Variants in MYLK3 observed in about 807,000 individuals in gnomAD.
MYLK3 encodes myosin light chain kinase 3.
Under a neutral mutation model 76.3 loss-of-function variants are expected in MYLK3, and 55 were observed. The ratio of observed to expected loss-of-function variants is 0.72; its 90% CI spans 0.58 to 0.90. The LOEUF (loss-of-function observed/expected upper bound fraction) is 0.90, where lower values mean the gene tolerates loss of function less well. Ranked by LOEUF, MYLK3 falls within the 40% of genes least tolerant of loss-of-function variation. The pLI is 0.00. For synonymous variants in MYLK3, 416 were observed against 425.4 expected (o/e 0.98, Z 0.27); for missense variants, 973 against 1,053.6 (o/e 0.92, Z 1.06).
chr16:46,732,413 C>T lies in MYLK3; in HGVS notation c.1257G>A (p.Arg419=), dbSNP rs1277522785. Residue 419 remains arginine (R), a synonymous_variant, in exon 4 of 13, where the codon AGG becomes AGA. Transcript: ENST00000394809. ...GTCTCGTGCCAGGCTCGGCCCCAGC[C>T]CTTTGCTCCTCCTCTGCCTTCACTC... is the stretch of plus-strand genomic sequence containing the variant. ...PGGVKAEEEQ[R]AGAEPGTRPS... is the part of the protein sequence containing the mutation. The T allele has an allele frequency of 1.9e-6, 3 of 1,613,586 alleles. No homozygotes were observed. The East Asian group carries it at 6.7e-5, about 36-fold the overall frequency.
chr16:46,716,072 C>T (rs1966734508), intron 9 of MYLK3, among the ~76,000 whole-genome samples: 1 of 152,158 alleles, frequency 6.6e-6, no homozygotes, highest in East Asian at 1.9e-4. Flanking sequence ...GTGTCTCTGC[C>T]AGCCCGGCCC....
At chr16:46,733,627 C>G (rs548606747) in intron 3 of MYLK3, among the ~76,000 whole-genome samples, 1 of 152,270 alleles carries the variant, frequency 6.6e-6, no homozygotes, top group Non-Finnish European at 1.5e-5. Context: ...AGGAAGGACC[C>G]TGATCCTGGC....
At chr16:46,763,134 CACAG>C (rs1307192993) in exon 1 of MYLK3, 2 of 984,066 alleles carry the variant, frequency 2.0e-6, no homozygotes, top group African/African-American at 3.5e-5. Context: ...CCATCTTATA[CACAG>C]ACAAACTTAA....
chr16:46,722,532 C>T (rs983184228), intron 8 of MYLK3, among the ~76,000 whole-genome samples: 2 of 152,110 alleles, frequency 1.3e-5, no homozygotes, highest in Non-Finnish European at 2.9e-5. Context: ...AAATCTCTGT[C>T]TTCTATATAA....
chr16:46,714,370 T>C (rs1966715612), intron 9 of MYLK3, among the ~76,000 whole-genome samples: 4 of 152,254 alleles, frequency 2.6e-5, no homozygotes, highest in Non-Finnish European at 5.9e-5. Flanking sequence ...GAGAGCAGTC[T>C]CCTCTCCTCC....
At position 46,740,556 on chromosome 16, in the gene MYLK3, T is replaced by A. The variant is rs1300064717; in HGVS notation, c.478-409A>T. 3.1e-3 allele frequency among the ~76,000 whole-genome samples: 436 copies of A among 140,188 alleles called. 1 individual carries two copies. The highest frequency in any genetic ancestry group is 0.02 in the East Asian group (102 of 4,998). The allele number at this position is 140,188 out of a possible 152,430, so 92.0% of individuals were successfully genotyped here. ...ACATACATATATATATATATATTTT[T>A]TTTTTTTTTTTTTGAGACAAGGTCT... On this transcript the variant is annotated intron_variant, in intron 1 of 12. Transcript: ENST00000394809.
chr16:46,732,733 G>T, intron 3 of MYLK3, 65 bp from the exon 4 acceptor site: 1 of 1,287,560 alleles, frequency 7.8e-7, no homozygotes, highest in Non-Finnish European at 1.0e-6. Flanking sequence ...AACAGACGTG[G>T]GTTCCAATGC....
intron 3 of MYLK3, 21 bp downstream of exon 3, chr16:46,737,690 G>A: frequency 6.3e-7 from 1 of 1,576,650 alleles, no homozygotes; most frequent in South Asian, 1.1e-5. Context: ...CCCTCACCCA[G>A]CCTGGAAGAG....
chr16:46,755,053 G>A (rs1011455883), intron 1 of MYLK3, among the ~76,000 whole-genome samples: 6 of 151,920 alleles, frequency 3.9e-5, no homozygotes, highest in African/African-American at 1.2e-4. Flanking sequence ...GTGCCACTAC[G>A]CTTGGCTAAT....
intron 7 of MYLK3, among the ~76,000 whole-genome samples, chr16:46,728,051 G>A (rs1966845955): frequency 6.6e-6 from 1 of 152,240 alleles, no homozygotes; most frequent in Admixed American, 6.5e-5. Flanking sequence ...GGCCATACAT[G>A]AAGCAAACAT....
At position 46,729,609 on chromosome 16, in the gene MYLK3, C is replaced by T. The variant is rs889683915; in HGVS notation, c.1647G>A (p.Lys549=). The T allele has an allele frequency of 6.2e-6, 10 of 1,613,738 alleles. No individual in the cohort carries two copies. The highest frequency in any genetic ancestry group is 1.1e-5 in the South Asian group (1 of 91,072). The part of the protein sequence containing the change: ...LPLAAKIIKV[K]SAKDREDVKN... ...GATGCCTCACCCGGTCCTTGGCGCT[C>T]TTCACTTTGATGATCTTGGCAGCCA... The change falls in exon 6 of 13, where the codon AAG becomes AAA. Residue 549 remains lysine (K), a synonymous_variant. Coordinates refer to ENST00000394809, the MANE Select transcript of MYLK3 (RefSeq NM_182493.3).
At chr16:46,710,581 C>A (rs1023808224) in intron 11 of MYLK3, 56 bp downstream of exon 11, 1 of 1,604,858 alleles carries the variant, frequency 6.2e-7, no homozygotes, top group Non-Finnish European at 8.5e-7. Context: ...CTGCCCAGCT[C>A]CCAGACCTGG....
At chr16:46,757,392 C>T in intron 1 of MYLK3, 1 of 985,462 alleles carries the variant, frequency 1.0e-6, no homozygotes, top group Non-Finnish European at 1.2e-6. Flanking sequence ...GCTCTTACTT[C>T]AAAGCACACT....
rs11309990 is a variant in MYLK3 at position 46,761,911 on chromosome 16, G to GA, written c.-114+1128dup. On this transcript the variant is annotated intron_variant, in intron 1 of 11. Coordinates refer to the MYLK3 transcript ENST00000536476. ...ATGCCTTAATCAGTTCTGCTAGCAT[G>GA]AAAAAAAAAAAAAAAGGAAGGAGGA... Among the ~76,000 whole-genome samples, 5 of 142,744 alleles carry GA rather than the reference G, an allele frequency of 3.5e-5. No homozygotes were observed. In the South Asian group the frequency reaches 6.7e-4, roughly 19 times the overall value. The allele number at this position is 142,744 out of a possible 152,430, so 93.6% of individuals were successfully genotyped here.
chr16:46,737,400 C>T (rs1966873493), intron 3 of MYLK3, among the ~76,000 whole-genome samples: 1 of 152,166 alleles, frequency 6.6e-6, no homozygotes, highest in East Asian at 1.9e-4. Flanking sequence ...GATTCTCAAC[C>T]CTGTTCCCCA....
At chr16:46,712,063 T>C (rs933249126) in intron 10 of MYLK3, among the ~76,000 whole-genome samples, 2 of 150,206 alleles carry the variant, frequency 1.3e-5, no homozygotes, top group Non-Finnish European at 3.0e-5. Context: ...TGATCATGGC[T>C]CACTGCAGCC....
At position 46,719,321 on chromosome 16, in the gene MYLK3, G is replaced by A. The variant is rs144192246; in HGVS notation, c.1985+1802C>T. Among the ~76,000 whole-genome samples the A allele has an allele frequency of 7.8e-3, 1,168 of 149,104 alleles. 16 individuals are homozygous for A. The highest frequency in any genetic ancestry group is 0.027 in the African/African-American group (1,106 of 40,454). On this transcript the variant is annotated intron_variant, in intron 9 of 12. Transcript: ENST00000394809. Reference sequence around the variant, plus strand: ...CAGCCTGGGTGACAGCATGAGACTCGGTCTCAAAAAAAAAAAAAAAAGAAG... The same window carrying A: ...CAGCCTGGGTGACAGCATGAGACTCAGTCTCAAAAAAAAAAAAAAAAGAAG...
intron 12 of MYLK3, 108 bp downstream of exon 12, chr16:46,709,431 A>AC: frequency 1.5e-6 from 2 of 1,293,964 alleles, no homozygotes; most frequent in Non-Finnish European, 2.1e-6. Context: ...ATAAAAACAA[A>AC]CCCAAAAAGA....
At position 46,739,968 on chromosome 16, in the gene MYLK3, G is replaced by T. The variant is rs781022810; in HGVS notation, c.568+89C>A. 4 of 913,662 alleles carry T rather than the reference G, an allele frequency of 4.4e-6. No homozygotes were observed. The Admixed American group carries it at 6.9e-5, about 16-fold the overall frequency. 56.6% of individuals were successfully genotyped at this position (913,662 alleles called of 1,614,324 possible). A position where few individuals can be genotyped will look rare whatever the true frequency, so the allele number is the denominator to read the frequency against. On this transcript the variant is annotated intron_variant, in intron 2 of 12. Coordinates refer to ENST00000394809, the MANE Select transcript of MYLK3 (RefSeq NM_182493.3). ...AAAAGAAGCTTTGACAGTTGCCCAG[G>T]AATCATACTGTGGGCCGTGTTGTTG...
Sources: allele counts gnomAD v4.1 joint callset (sites outside exome capture counted in the v4.1 genomes callset), GRCh38; gene constraint gnomAD v4.1.1; transcripts MANE v1.5; gene names NCBI Gene and HGNC (gene_info 2026-07-23, HGNC 2026-07-21).